CHST6: variants seen among roughly 807,000 people sequenced by gnomAD.
CHST6 encodes the protein carbohydrate sulfotransferase 6.
For synonymous variants in CHST6, 309 were observed against 276.4 expected (o/e 1.12, Z -1.17); for missense variants, 698 against 586.2 (o/e 1.19, Z -1.97).
intron 1 of CHST6, among the ~76,000 whole-genome samples, chr16:75,486,885 G>T (rs2080203773): frequency 6.6e-6 from 1 of 152,180 alleles, no homozygotes; most frequent in African/African-American, 2.4e-5. Context: ...GCCCTGCGTT[G>T]TTTCTCTCTG....
Position 75,479,389 on chromosome 16 carries a change from G to A in CHST6, c.440C>T (p.Ala147Val). Residue 147 changes from alanine (A) to valine (V), a missense_variant, in exon 3 of 3, where the codon GCC becomes GTC. Physicochemically the swap from Ala to Val is moderately conservative, Grantham distance 64 (BLOSUM62 0). Coordinates refer to ENST00000332272, the MANE Select transcript of CHST6 (RefSeq NM_021615.5). ...AFPRGAISSE[A>V]VCKPLCARQS... ...CCGCGCGCACAGTGGCTTGCACACG[G>A]CCTCGCTGCTGATGGCGCCTCGGGG... 2 of 1,612,644 alleles carry A rather than the reference G, an allele frequency of 1.2e-6. No homozygotes were observed. Among genetic ancestry groups the A allele is most frequent in the Non-Finnish European group, 1.7e-6 (2 of 1,179,800 alleles).
At chr16:75,489,556 T>C (rs935979168) in intron 1 of CHST6, among the ~76,000 whole-genome samples, 3 of 151,922 alleles carry the variant, frequency 2.0e-5, no homozygotes, top group Non-Finnish European at 2.9e-5. Context: ...CTGACATACA[T>C]ATATACATTT....
chr16:75,490,785 C>T (rs1053472082), intron 1 of CHST6: 1 of 151,958 alleles, frequency 6.6e-6, no homozygotes, highest in Non-Finnish European at 1.5e-5. Context: ...CATACAAGCC[C>T]ACATGAAAAC....
chr16:75,491,966 G>A (rs2550899), intron 1 of CHST6, among the ~76,000 whole-genome samples: 159 of 152,320 alleles, frequency 1.0e-3, no homozygotes, highest in Non-Finnish European at 1.9e-3. Context: ...CCAGGCTGTG[G>A]CTGAAGCTGT....
chr16:75,487,914 G>A lies in CHST6; in HGVS notation c.-91-6023C>T, dbSNP rs577597435. ...GGGAGGCGGAGTCAGGAGAATCGCT[G>A]GAACCCAGGAGGCAGAGGTTGCAGT... On this transcript the variant is annotated intron_variant, in intron 1 of 2. Transcript: ENST00000332272. Among the ~76,000 whole-genome samples, 129 of 151,610 alleles carry A rather than the reference G, an allele frequency of 8.5e-4. 1 individual carries two copies. The highest frequency in any genetic ancestry group is 3.0e-3 in the African/African-American group (124 of 41,342).
chr16:75,490,279 G>T (rs376737447), intron 1 of CHST6, among the ~76,000 whole-genome samples: 43 of 151,132 alleles, frequency 2.8e-4, no homozygotes, highest in East Asian at 1.6e-3. Context: ...GGGAGTTCGA[G>T]ACCAGCCTGA....
intron 2 of CHST6, among the ~76,000 whole-genome samples, chr16:75,480,927 CAAAA>C (rs60465949): frequency 1.6e-4 from 18 of 111,378 alleles, no homozygotes; most frequent in South Asian, 1.1e-3. Context: ...AACTTCATTC[CAAAA>C]AAAAAAAAAA....
chr16:75,474,639 T>C lies in CHST6; in HGVS notation c.*4002A>G. 5.0e-6 allele frequency: 2 copies of C among 398,892 alleles called. No individual in the cohort carries two copies. Among genetic ancestry groups the C allele is most frequent in the Non-Finnish European group, 8.8e-6 (2 of 226,366 alleles). The allele number at this position is 398,892 out of a possible 1,614,324, so 24.7% of individuals were successfully genotyped here. ...GTTCTGGAGGCTGGGAAGCCCAAGA[T>C]CAAGGAGCCAGCATCTAGCGAGAGC... On this transcript the variant is annotated 3_prime_UTR_variant, in exon 3 of 3. Coordinates refer to ENST00000332272, the MANE Select transcript of CHST6 (RefSeq NM_021615.5).
intron 1 of CHST6, chr16:75,490,633 G>C (rs1307135445): frequency 6.6e-6 from 1 of 152,132 alleles, no homozygotes; most frequent in Non-Finnish European, 1.5e-5. Context: ...TGAGATGACA[G>C]AGACGTGGGG....
chr16:75,490,564 A>G (rs569558664), intron 1 of CHST6: 15 of 152,344 alleles, frequency 9.8e-5, no homozygotes, highest in African/African-American at 3.4e-4. Context: ...CCATCCACCA[A>G]GAAGGTTACA....
At chr16:75,491,192 T>A (rs13331505) in intron 1 of CHST6, among the ~76,000 whole-genome samples, 5,117 of 42,038 alleles carry the variant, frequency 0.12, 267 homozygotes, top group Non-Finnish European at 0.18. Context: ...AAAAAAAAAA[T>A]ATATATATAT....
Position 75,479,353 on chromosome 16 carries a change from G to C in CHST6, c.476C>G (p.Thr159Ser), listed in dbSNP as rs414818. 8.1e-6 allele frequency: 13 copies of C among 1,612,762 alleles called. No individual in the cohort carries two copies. The highest frequency in any genetic ancestry group is 1.7e-5 in the Admixed American group (1 of 60,024). Residue 159 changes from threonine (T) to serine (S), a missense_variant, in exon 3 of 3, where the codon ACC (threonine) becomes AGC (serine). Physicochemically the swap from Thr to Ser is moderately conservative, Grantham distance 58. Transcript: ENST00000332272. Reference sequence around the variant, plus strand: ...GGAGCGGCAGGCCTCCCGGGCCAGGGTGAAGGACTGCCGCGCGCACAGTGG... The same window carrying C: ...GGAGCGGCAGGCCTCCCGGGCCAGGCTGAAGGACTGCCGCGCGCACAGTGG... ...CKPLCARQSF[T>S]LAREACRSYS...
intron 1 of CHST6, among the ~76,000 whole-genome samples, chr16:75,493,750 G>A (rs893108185): frequency 6.6e-6 from 1 of 152,146 alleles, no homozygotes; most frequent in Admixed American, 6.5e-5. Context: ...CCAGATTCAG[G>A]TGCCCCAGTG....
chr16:75,482,624 A>G (rs1022469964), intron 1 of CHST6, among the ~76,000 whole-genome samples: 2 of 152,120 alleles, frequency 1.3e-5, no homozygotes, highest in Non-Finnish European at 2.9e-5. Flanking sequence ...CAAGGTCCCA[A>G]AGTGTTCTTC....
chr16:75,494,136 C>T (rs116276394), intron 1 of CHST6, among the ~76,000 whole-genome samples: 3,585 of 152,278 alleles, frequency 0.024, 160 homozygotes, highest in African/African-American at 0.081. Flanking sequence ...TGAACCACTG[C>T]GACTGGCCTT....
At chr16:75,483,709 A>C (rs1379059503) in intron 1 of CHST6, among the ~76,000 whole-genome samples, 1 of 152,194 alleles carries the variant, frequency 6.6e-6, no homozygotes, top group East Asian at 1.9e-4. Flanking sequence ...TCCAGTAAGA[A>C]GGAGGAAGGG....
chr16:75,489,398 C>CAAAAAAAAAAAAAAAAAAAAAA (rs901241278), intron 1 of CHST6, among the ~76,000 whole-genome samples: 1 of 58,140 alleles, frequency 1.7e-5, no homozygotes, highest in African/African-American at 5.9e-5. Context: ...GACTCTGTCT[C>CAAAAAAAAAAAAAAAAAAAAAA]AAAAAAAAAA....
chr16:75,489,398 CAAAAAA>C (rs901241278), intron 1 of CHST6, among the ~76,000 whole-genome samples: 3 of 58,140 alleles, frequency 5.2e-5, no homozygotes, highest in Non-Finnish European at 1.1e-4. Flanking sequence ...GACTCTGTCT[CAAAAAA>C]AAAAAAAAAA....
In CHST6 at chr16:75,473,224, T is replaced by C. The variant is rs185520368; in HGVS notation, c.*5417A>G. The C allele has an allele frequency of 7.9e-5, 12 of 152,466 alleles. No individual in the cohort carries two copies. In the East Asian group the frequency reaches 2.1e-3, roughly 27 times the overall value. 9.4% of individuals were successfully genotyped at this position (152,466 alleles called of 1,614,324 possible). A position where few individuals can be genotyped will look rare whatever the true frequency, so the allele number is the denominator to read the frequency against. ...CGCTCATATGTCTTTATAGCTACTC[T>C]TCTCAAGTGGTGGACTCAGTTTCCC... On this transcript the variant is annotated 3_prime_UTR_variant, in exon 3 of 3. Transcript: ENST00000332272.
Sources: allele counts gnomAD v4.1 joint callset (sites outside exome capture counted in the v4.1 genomes callset), GRCh38; gene constraint gnomAD v4.1.1; transcripts MANE v1.5; gene names NCBI Gene and HGNC (gene_info 2026-07-23, HGNC 2026-07-21).